The following MACROD2 variants were observed in gnomAD, a reference collection of about 807,000 sequenced individuals.
MACROD2 encodes the protein mono-ADP ribosylhydrolase 2, also known as ADP-ribose glycohydrolase MACROD2.
In MACROD2, 36 loss-of-function variants were observed where a neutral mutation model predicts 70.4. The observed-to-expected ratio is 0.51, with a 90% CI of 0.39 to 0.68. The LOEUF (loss-of-function observed/expected upper bound fraction) is 0.68. Among genes scored for constraint, MACROD2 ranks in the 30% least tolerant of loss-of-function variants. The probability of loss-of-function intolerance (pLI) is 0.00; values close to 1 mark genes in which losing one functional copy is unlikely to be tolerated. For synonymous variants in MACROD2, 172 were observed against 178.8 expected (o/e 0.96, Z 0.30); for missense variants, 496 against 538.4 (o/e 0.92, Z 0.78).
intron 6 of MACROD2, among the ~76,000 whole-genome samples, chr20:15,269,208 A>C (rs1408857078): frequency 6.6e-6 from 1 of 152,278 alleles, no homozygotes; most frequent in Admixed American, 6.5e-5. Flanking sequence ...GTAACCCTCC[A>C]GAGAGAGGCT....
At chr20:14,545,971 A>G (rs1350915901) in intron 4 of MACROD2, among the ~76,000 whole-genome samples, 1 of 152,222 alleles carries the variant, frequency 6.6e-6, no homozygotes, top group Non-Finnish European at 1.5e-5. Context: ...CTTGTAGTGT[A>G]AAAGAGAAAA....
chr20:15,382,408 A>G (rs540998235), intron 6 of MACROD2, among the ~76,000 whole-genome samples: 1 of 152,306 alleles, frequency 6.6e-6, no homozygotes, highest in Non-Finnish European at 1.5e-5. Flanking sequence ...TAAACTCTAC[A>G]AATCATGCTT....
chr20:14,659,176 T>C lies in MACROD2; in HGVS notation c.302-25667T>C, dbSNP rs998376801. 2.6e-5 allele frequency among the ~76,000 whole-genome samples: 4 copies of C among 152,304 alleles called. No homozygotes were observed. The South Asian group carries it at 6.2e-4, about 24-fold the overall frequency. ...TTCATGAGAGAATGGTAAGGAAATATACCACATATCAAGAGAAGTTATCTC... is the reference window on the plus strand; with the variant it reads ...TTCATGAGAGAATGGTAAGGAAATACACCACATATCAAGAGAAGTTATCTC... On this transcript the variant is annotated intron_variant, in intron 4 of 17. Coordinates refer to ENST00000684519, the MANE Select transcript of MACROD2 (RefSeq NM_001351661.2).
intron 3 of MACROD2, among the ~76,000 whole-genome samples, chr20:14,338,387 C>T (rs936659529): frequency 7.9e-5 from 12 of 152,104 alleles, no homozygotes; most frequent in African/African-American, 2.7e-4. Context: ...TATATATATA[C>T]ACGTGTCACT....
intron 3 of MACROD2, among the ~76,000 whole-genome samples, chr20:14,339,408 G>A (rs1254109799): frequency 6.6e-6 from 1 of 152,140 alleles, no homozygotes; most frequent in Non-Finnish European, 1.5e-5. Context: ...ATGAAACAAA[G>A]ACATGGATTA....
At chr20:14,013,198 A>G (rs2052937581) in intron 2 of MACROD2, among the ~76,000 whole-genome samples, 2 of 151,022 alleles carry the variant, frequency 1.3e-5, no homozygotes, top group South Asian at 2.1e-4. Context: ...GTTCCAATAT[A>G]TTTATTGAAA....
At chr20:15,338,739 G>A (rs1352034062) in intron 6 of MACROD2, among the ~76,000 whole-genome samples, 1 of 151,714 alleles carries the variant, frequency 6.6e-6, no homozygotes, top group African/African-American at 2.4e-5. Flanking sequence ...CTTGGATTAT[G>A]AACACAGAGG....
chr20:15,729,831 C>CTTTTTTTTTTTTTTTCTT lies in MACROD2; in HGVS notation c.646-132899_646-132898insCTTTTTTTTTTTTTTTTT, dbSNP rs61542762. Reference sequence around the variant, plus strand: ...GAACACAGCATGCAGTTGGGTCATGCTTTTTTTTTTTTTTTGGATGGAGTT... The same window carrying CTTTTTTTTTTTTTTTCTT: ...GAACACAGCATGCAGTTGGGTCATGCTTTTTTTTTTTTTTTCTTTTTTTTTTTTTTTTTGGATGGAGTT... On this transcript the variant is annotated intron_variant, in intron 8 of 17. Coordinates refer to ENST00000684519, the MANE Select transcript of MACROD2 (RefSeq NM_001351661.2). 3.1e-5 allele frequency among the ~76,000 whole-genome samples: 2 copies of CTTTTTTTTTTTTTTTCTT among 64,772 alleles called. 1 individual carries two copies. The highest frequency in any genetic ancestry group is 8.2e-4 in the East Asian group (2 of 2,442). 42.5% of individuals were successfully genotyped at this position (64,772 alleles called of 152,430 possible).
At chr20:14,899,720 C>T (rs1051759216) in intron 5 of MACROD2, among the ~76,000 whole-genome samples, 2 of 152,002 alleles carry the variant, frequency 1.3e-5, no homozygotes, top group South Asian at 2.1e-4. Flanking sequence ...AGGGGGAACA[C>T]GATTCAACCC....
chr20:14,471,862 CA>C (rs2084534811), intron 3 of MACROD2, among the ~76,000 whole-genome samples: 1 of 151,944 alleles, frequency 6.6e-6, no homozygotes, highest in African/African-American at 2.4e-5. Flanking sequence ...ACAAATGGGA[CA>C]GCAAGGTTTT....
At chr20:14,927,584 T>A (rs2074248420) in intron 5 of MACROD2, among the ~76,000 whole-genome samples, 1 of 152,212 alleles carries the variant, frequency 6.6e-6, no homozygotes. Context: ...CACATTTGGG[T>A]TGGCTTGGTG....
intron 5 of MACROD2, among the ~76,000 whole-genome samples, chr20:15,191,943 G>GAGAT (rs1348749180): frequency 7.3e-6 from 1 of 137,790 alleles, no homozygotes; most frequent in East Asian, 2.2e-4. Flanking sequence ...GAGAGAGAGA[G>GAGAT]AGTTAATACA....
intron 3 of MACROD2, among the ~76,000 whole-genome samples, chr20:14,192,692 A>G (rs2081398329): frequency 6.6e-6 from 1 of 152,192 alleles, no homozygotes; most frequent in African/African-American, 2.4e-5. Context: ...CACAAGGGCC[A>G]CTTGGGAGTA....
intron 2 of MACROD2, among the ~76,000 whole-genome samples, chr20:14,033,882 CT>C (rs1175856658): frequency 1.3e-5 from 2 of 152,110 alleles, no homozygotes; most frequent in Admixed American, 1.3e-4. Context: ...TCTTTTGTAT[CT>C]TTTACTTTTT....
chr20:14,633,315 T>C (rs750600196), intron 4 of MACROD2, among the ~76,000 whole-genome samples: 5 of 152,210 alleles, frequency 3.3e-5, no homozygotes, highest in Non-Finnish European at 5.9e-5. Flanking sequence ...AGACCCTTTT[T>C]CCACAGACGG....
At chr20:14,485,815 G>A (rs980216789) in intron 3 of MACROD2, among the ~76,000 whole-genome samples, 26 of 150,582 alleles carry the variant, frequency 1.7e-4, no homozygotes, top group African/African-American at 5.3e-4. Context: ...AAATGAGTAT[G>A]TATTATTTTA....
intron 5 of MACROD2, among the ~76,000 whole-genome samples, chr20:14,776,905 A>G (rs2072241694): frequency 6.6e-6 from 1 of 152,082 alleles, no homozygotes; most frequent in Non-Finnish European, 1.5e-5. Flanking sequence ...AAATAGAGCC[A>G]TATACTCTGT....
intron 3 of MACROD2, among the ~76,000 whole-genome samples, chr20:14,404,035 A>G (rs1299591990): frequency 6.6e-6 from 1 of 152,156 alleles, no homozygotes; most frequent in Non-Finnish European, 1.5e-5. Flanking sequence ...CAGAACTATA[A>G]TAAATTGAAA....
At position 14,862,691 on chromosome 20, in the gene MACROD2, ATATATATAAAT is replaced by A. The variant is rs1568841697; in HGVS notation, c.418+177733_418+177743del. Among the ~76,000 whole-genome samples, 303 of 70,886 alleles carry A rather than the reference ATATATATAAAT, an allele frequency of 4.3e-3. 9 individuals are homozygous for A. The highest frequency in any genetic ancestry group is 0.017 in the African/African-American group (293 of 17,396). The allele number at this position is 70,886 out of a possible 152,430, so 46.5% of individuals were successfully genotyped here. ...TAAATATATATAAATATATATATAA[ATATATATAAAT>A]ATATATATATATATTTTTTTTTAAT... On this transcript the variant is annotated intron_variant, in intron 5 of 17. Coordinates refer to ENST00000684519, the MANE Select transcript of MACROD2 (RefSeq NM_001351661.2).
Sources: allele counts gnomAD v4.1 joint callset (sites outside exome capture counted in the v4.1 genomes callset), GRCh38; gene constraint gnomAD v4.1.1; transcripts MANE v1.5; gene names NCBI Gene and HGNC (gene_info 2026-07-23, HGNC 2026-07-21).